WLS: variants seen among roughly 807,000 people sequenced by gnomAD.
WLS encodes the protein Wnt ligand secretion mediator.
A neutral mutation model predicts 62.8 loss-of-function variants in WLS; 23 were observed. That is an observed-to-expected ratio of 0.37 (90% CI 0.26 to 0.52). The LOEUF is 0.52. Ranked by LOEUF, WLS falls within the 20% of genes least tolerant of loss-of-function variation. The probability of loss-of-function intolerance (pLI) is 0.92; values close to 1 mark genes in which losing one functional copy is unlikely to be tolerated. For synonymous variants in WLS, 246 were observed against 244.1 expected (o/e 1.01, Z -0.07); for missense variants, 615 against 697.3 (o/e 0.88, Z 1.33).
intron 1 of WLS, among the ~76,000 whole-genome samples, chr1:68,221,469 G>C (rs943804937): frequency 2.0e-5 from 3 of 152,258 alleles, no homozygotes; most frequent in African/African-American, 7.2e-5. Context: ...TAAAAGCCTG[G>C]TTCACACAAG....
chr1:68,118,875 CAAAAAAAAAA>C lies in WLS; in HGVS notation c.1510+18895_1510+18904del, dbSNP rs33982774. Among the ~76,000 whole-genome samples the C allele has an allele frequency of 4.5e-4, 12 of 26,390 alleles. 1 individual carries two copies. Among genetic ancestry groups the C allele is most frequent in the South Asian group, 2.7e-3 (1 of 374 alleles). 17.3% of individuals were successfully genotyped at this position (26,390 alleles called of 152,430 possible). ...CTGGGTGACGAGCAAGACTCTGTCT[CAAAAAAAAAA>C]AAAAAAAAAAAAAAAAAGCACCTGG... On this transcript the variant is annotated intron_variant, in intron 11 of 11. Coordinates refer to the WLS transcript ENST00000354777.
At chr1:68,130,753 G>C (rs1646506461) in intron 11 of WLS, among the ~76,000 whole-genome samples, 1 of 152,132 alleles carries the variant, frequency 6.6e-6, no homozygotes, top group Non-Finnish European at 1.5e-5. Context: ...GCTTACATCT[G>C]TAATCCCAGC....
At chr1:68,114,926 C>T (rs963674534) in intron 11 of WLS, among the ~76,000 whole-genome samples, 1 of 152,144 alleles carries the variant, frequency 6.6e-6, no homozygotes, top group Non-Finnish European at 1.5e-5. Context: ...TGGGAGGGGA[C>T]ACCTGGTTTG....
intron 2 of WLS, among the ~76,000 whole-genome samples, chr1:68,177,924 T>C (rs947586579): frequency 2.6e-5 from 4 of 152,344 alleles, no homozygotes; most frequent in South Asian, 2.1e-4. Flanking sequence ...ATTTTATAAG[T>C]GAGGAAAATG....
chr1:68,105,828 C>T (rs188691494), intron 11 of WLS, among the ~76,000 whole-genome samples: 3 of 151,912 alleles, frequency 2.0e-5, no homozygotes, highest in Non-Finnish European at 2.9e-5. Context: ...ATGTCAGTAC[C>T]GTACACCTAA....
intron 1 of WLS, among the ~76,000 whole-genome samples, chr1:68,219,685 A>G (rs1180630669): frequency 2.0e-5 from 3 of 152,210 alleles, no homozygotes; most frequent in Admixed American, 1.3e-4. Context: ...AGGTGAGTAT[A>G]TTAGACCATC....
In WLS at chr1:68,125,829, C is replaced by A; in HGVS notation, c.*397G>T. On this transcript the variant is annotated 3_prime_UTR_variant, in exon 12 of 12. Transcript: ENST00000262348. The stretch of plus-strand genomic sequence containing the variant: ...CTGGGACCGCAAAGGATGTTAAAAT[C>A]TATCCTAGAATTTAAAACAGGAAAA... 2.0e-6 allele frequency: 2 copies of A among 1,010,452 alleles called. No homozygotes were observed. The highest frequency in any genetic ancestry group is 2.4e-6 in the Non-Finnish European group (2 of 845,428). 62.6% of individuals were successfully genotyped at this position (1,010,452 alleles called of 1,614,324 possible).
At chr1:68,210,062 G>A (rs1167771962) in intron 1 of WLS, among the ~76,000 whole-genome samples, 1 of 152,198 alleles carries the variant, frequency 6.6e-6, no homozygotes, top group Non-Finnish European at 1.5e-5. Context: ...AGAGGTTGTT[G>A]ATCTCAGCAC....
intron 11 of WLS, among the ~76,000 whole-genome samples, chr1:68,101,089 C>T (rs907115462): frequency 1.6e-4 from 24 of 152,298 alleles, no homozygotes; most frequent in African/African-American, 5.8e-4. Context: ...GCTATGCTTC[C>T]CAGCCTATCA....
chr1:68,155,522 C>T (rs766476549), intron 3 of WLS, among the ~76,000 whole-genome samples: 13 of 152,260 alleles, frequency 8.5e-5, no homozygotes, highest in Non-Finnish European at 1.6e-4. Flanking sequence ...GCAGAGATAC[C>T]TTCCTTCTAT....
chr1:68,199,663 G>A (rs1648892989), intron 1 of WLS, among the ~76,000 whole-genome samples: 1 of 152,134 alleles, frequency 6.6e-6, no homozygotes, highest in Admixed American at 6.5e-5. Flanking sequence ...CTACTAGAGT[G>A]CCTTGGCCTC....
At chr1:68,209,244 C>A (rs1462166580) in intron 1 of WLS, among the ~76,000 whole-genome samples, 2 of 152,212 alleles carry the variant, frequency 1.3e-5, no homozygotes, top group Non-Finnish European at 2.9e-5. Flanking sequence ...CCCCAATCAT[C>A]CAGGCTTACA....
chr1:68,128,163 C>T (rs7540229), intron 11 of WLS, among the ~76,000 whole-genome samples: 5,327 of 152,264 alleles, frequency 0.035, 109 homozygotes, highest in Middle Eastern at 0.048. Flanking sequence ...TCCAGCACAT[C>T]CACATTCATC....
At chr1:68,173,716 A>T (rs551998401) in intron 2 of WLS, among the ~76,000 whole-genome samples, 4 of 152,236 alleles carry the variant, frequency 2.6e-5, no homozygotes, top group African/African-American at 9.6e-5. Context: ...TTTTGCCCAG[A>T]TCTACCCAGA....
intron 1 of WLS, among the ~76,000 whole-genome samples, chr1:68,213,451 CAAA>C (rs900446226): frequency 2.0e-5 from 1 of 51,180 alleles, no homozygotes. Flanking sequence ...AACTTCATTC[CAAA>C]AAAAAAAAAA....
chr1:68,222,041 T>G (rs1649962919), intron 1 of WLS, among the ~76,000 whole-genome samples: 1 of 152,170 alleles, frequency 6.6e-6, no homozygotes. Context: ...GCTATGTGAC[T>G]TTACCCCAAG....
intron 1 of WLS, among the ~76,000 whole-genome samples, chr1:68,205,123 G>A (rs1649229155): frequency 6.6e-6 from 1 of 152,162 alleles, no homozygotes; most frequent in African/African-American, 2.4e-5. Context: ...CTGTATCAAA[G>A]TACACTTAGA....
chr1:68,231,650 C>T (rs1650425531), intron 1 of WLS: 1 of 438,542 alleles, frequency 2.3e-6, no homozygotes, highest in Non-Finnish European at 4.6e-6. Flanking sequence ...AGGTCGGGAC[C>T]CCAAATTGCA....
At chr1:68,185,933 G>A (rs148719384) in intron 2 of WLS, among the ~76,000 whole-genome samples, 3 of 152,260 alleles carry the variant, frequency 2.0e-5, no homozygotes, top group African/African-American at 7.2e-5. Context: ...CTGGCTGTTG[G>A]TGGGTGGGGC....
Sources: gnomAD v4.1 joint callset for allele counts (sites outside exome capture counted in the v4.1 genomes callset) on GRCh38, gnomAD v4.1.1 for gene constraint, MANE v1.5 for transcripts, NCBI Gene and HGNC (gene_info 2026-07-23, HGNC 2026-07-21) for gene names.